The following PLAT variants were observed in gnomAD, a reference collection of about 807,000 sequenced individuals.
The protein encoded by PLAT is plasminogen activator, tissue type, also known as tissue-type plasminogen activator.
Under a neutral mutation model 74.9 loss-of-function variants are expected in PLAT, and 48 were observed. The observed-to-expected ratio is 0.64, with a 90% CI of 0.51 to 0.82. The LOEUF is 0.82. PLAT is among the 40% of genes least tolerant of loss of function. PLAT has a pLI of 0.00. For synonymous variants in PLAT, 307 were observed against 294.4 expected (o/e 1.04, Z -0.44); for missense variants, 673 against 736.2 (o/e 0.91, Z 0.99).
intron 13 of PLAT, among the ~76,000 whole-genome samples, chr8:42,177,097 T>C (rs1162688113): frequency 6.6e-6 from 1 of 152,136 alleles, no homozygotes; most frequent in East Asian, 1.9e-4. Flanking sequence ...CTCGTGCTTA[T>C]GGGCACGCAC....
intron 1 of PLAT, among the ~76,000 whole-genome samples, chr8:42,198,702 A>G (rs1010102632): frequency 6.6e-6 from 1 of 152,236 alleles, no homozygotes; most frequent in Non-Finnish European, 1.5e-5. Context: ...CTATTATCAA[A>G]TGTTGCACCA....
chr8:42,200,799 ACTC>A (rs1285892093), intron 1 of PLAT, among the ~76,000 whole-genome samples: 2 of 148,112 alleles, frequency 1.4e-5, no homozygotes, highest in Non-Finnish European at 3.0e-5. Context: ...TCTTTCCACT[ACTC>A]CTCACTGTCT....
rs762002120 is a variant in PLAT at position 42,178,926 on chromosome 8, G to A, written c.1501C>T (p.Pro501Ser). Residue 501 changes from proline to serine, a missense_variant, in exon 13 of 14, where the codon CCC (proline) becomes TCC (serine). Physicochemically the swap from Pro to Ser is moderately conservative, Grantham distance 74. Coordinates refer to ENST00000220809, the MANE Select transcript of PLAT (RefSeq NM_000930.5). ...CAGGCGTCGTGCAAGTTTGCCTGGG[G>A]CCCGCCGCTCCGAGTGTCTCCAGCA... Reference protein sequence around the residue: ...LCAGDTRSGGPQANLHDACQG... With the variant: ...LCAGDTRSGGSQANLHDACQG... The A allele has an allele frequency of 2.5e-6, 4 of 1,613,702 alleles. No individual in the cohort carries two copies. The highest frequency in any genetic ancestry group is 1.1e-5 in the South Asian group (1 of 91,060).
intron 5 of PLAT, 96 bp from the exon 6 acceptor site, chr8:42,187,668 G>T: frequency 8.1e-7 from 1 of 1,233,244 alleles, no homozygotes. Flanking sequence ...CCCCAGGCCT[G>T]ATGCAGGCTG....
intron 1 of PLAT, among the ~76,000 whole-genome samples, chr8:42,201,238 A>G (rs1806117898): frequency 6.6e-6 from 1 of 152,128 alleles, no homozygotes; most frequent in African/African-American, 2.4e-5. Context: ...TACAGCACAC[A>G]TTCTGTGTGG....
At chr8:42,191,873 C>T (rs538648083) in intron 2 of PLAT, among the ~76,000 whole-genome samples, 1 of 152,144 alleles carries the variant, frequency 6.6e-6, no homozygotes, top group South Asian at 2.1e-4. Context: ...TTAGTTTGGA[C>T]TTCCGTGAGG....
rs1461370469 is a variant in PLAT, at chr8:42,175,351, T to G, written c.*642A>C. 6.6e-6 allele frequency: 1 copy of G among 152,252 alleles called. No individual in the cohort carries two copies. The highest frequency in any genetic ancestry group is 6.5e-5 in the Admixed American group (1 of 15,284). The allele number at this position is 152,252 out of a possible 1,614,324, so 9.4% of individuals were successfully genotyped here. A position where few individuals can be genotyped will look rare whatever the true frequency, so the allele number is the denominator to read the frequency against. On this transcript the variant is annotated 3_prime_UTR_variant, in exon 14 of 14. Transcript: ENST00000220809. ...TATAAATATGCTGAAGCCTAGTTGTTCAAATGATACAATTCTCTCATGCTA... is the reference window on the plus strand; with the variant it reads ...TATAAATATGCTGAAGCCTAGTTGTGCAAATGATACAATTCTCTCATGCTA...
At chr8:42,196,643 G>A (rs933805787) in intron 1 of PLAT, among the ~76,000 whole-genome samples, 1 of 152,158 alleles carries the variant, frequency 6.6e-6, no homozygotes, top group African/African-American at 2.4e-5. Flanking sequence ...ACTCGGGACC[G>A]CAGGGCGTGG....
intron 1 of PLAT, among the ~76,000 whole-genome samples, chr8:42,200,235 T>C (rs894640587): frequency 1.3e-5 from 2 of 152,128 alleles, no homozygotes; most frequent in Non-Finnish European, 2.9e-5. Context: ...ATGGGAGAAC[T>C]GAACTTCAAA....
At chr8:42,194,049 TC>T (rs1267387837) in intron 1 of PLAT, among the ~76,000 whole-genome samples, 23 of 108,836 alleles carry the variant, frequency 2.1e-4, no homozygotes, top group African/African-American at 9.2e-4. Context: ...CTTTCTTCTT[TC>T]TTTTTTTTTT....
At chr8:42,182,287 G>T in intron 8 of PLAT, 1 of 398,754 alleles carries the variant, frequency 2.5e-6, no homozygotes, top group Non-Finnish European at 4.7e-6. Context: ...AAACCACTGA[G>T]CTGGGAGGGA....
rs962079258 is a variant in PLAT, at chr8:42,175,484, G to A, written c.*509C>T. 6.5e-6 allele frequency: 1 copy of A among 153,778 alleles called. No homozygotes were observed. Among genetic ancestry groups the A allele is most frequent in the African/African-American group, 2.4e-5 (1 of 41,480 alleles). 9.5% of individuals were successfully genotyped at this position (153,778 alleles called of 1,614,324 possible). On this transcript the variant is annotated 3_prime_UTR_variant, in exon 14 of 14. Coordinates refer to ENST00000220809, the MANE Select transcript of PLAT (RefSeq NM_000930.5). ...AAAGGGGAAGGAGACTTGACGTCAA[G>A]GGTGCTTTTGAGGAACATGACGGGC...
At chr8:42,202,283 C>T (rs938755051) in intron 1 of PLAT, among the ~76,000 whole-genome samples, 2 of 152,014 alleles carry the variant, frequency 1.3e-5, no homozygotes, top group African/African-American at 2.4e-5. Flanking sequence ...AACCCGCCCA[C>T]CTCGGGCTCC....
intron 1 of PLAT, among the ~76,000 whole-genome samples, chr8:42,203,992 TAC>T (rs775189467): frequency 0.018 from 1,980 of 109,646 alleles, 35 homozygotes; most frequent in Middle Eastern, 0.024. Context: ...TATATATATA[TAC>T]ACACACACAC....
At chr8:42,199,879 G>A (rs1806060947) in intron 1 of PLAT, among the ~76,000 whole-genome samples, 1 of 152,218 alleles carries the variant, frequency 6.6e-6, no homozygotes, top group Non-Finnish European at 1.5e-5. Context: ...CCGTGATGAA[G>A]GTCGTTCGTT....
Position 42,180,585 on chromosome 8 carries a change from G to A in PLAT, c.990C>T (p.Ala330=), listed in dbSNP as rs1426491401. Residue 330 remains alanine, a synonymous_variant, in exon 10 of 14, where the codon GCC becomes GCT. Transcript: ENST00000220809. ...GCTCTCCGGGCGACCTCCTGTGCTT[G>A]GCAAAGATGGCAGCCTGCCAGGGGT... ...ASHPWQAAIF[A]KHRRSPGERF... 6.2e-7 allele frequency: 1 copy of A among 1,613,608 alleles called. No homozygotes were observed. The highest frequency in any genetic ancestry group is 1.7e-5 in the Admixed American group (1 of 59,924).
intron 1 of PLAT, among the ~76,000 whole-genome samples, chr8:42,200,869 G>A (rs1203938253): frequency 3.3e-5 from 5 of 150,176 alleles, no homozygotes; most frequent in Non-Finnish European, 7.4e-5. Flanking sequence ...TCACTCTGTT[G>A]CCCAGGCTGG....
In PLAT at chr8:42,175,667, G is replaced by T; in HGVS notation, c.*326C>A. 1 of 241,402 alleles carries T rather than the reference G, an allele frequency of 4.1e-6. No homozygotes were observed. The allele number at this position is 241,402 out of a possible 1,614,324, so 15.0% of individuals were successfully genotyped here. ...TGGTCCTGTTTCCAAAGCTGCTCAC[G>T]GTGACAGGTCAGGAGGTTGGGCTTT... On this transcript the variant is annotated 3_prime_UTR_variant, in exon 14 of 14. Coordinates refer to ENST00000220809, the MANE Select transcript of PLAT (RefSeq NM_000930.5).
intron 3 of PLAT, among the ~76,000 whole-genome samples, chr8:42,190,173 A>T (rs1805630346): frequency 6.6e-6 from 1 of 152,140 alleles, no homozygotes; most frequent in African/African-American, 2.4e-5. Context: ...GGCTAAAGCC[A>T]TCCTCCTGGA....
Sources: gnomAD v4.1 joint callset for allele counts (sites outside exome capture counted in the v4.1 genomes callset) on GRCh38, gnomAD v4.1.1 for gene constraint, MANE v1.5 for transcripts, NCBI Gene and HGNC (gene_info 2026-07-23, HGNC 2026-07-21) for gene names.